Variants in KCNQ1 observed in about 807,000 individuals in gnomAD.
The protein encoded by KCNQ1 is potassium voltage-gated channel subfamily KQT member 1.
Under a neutral mutation model 72.4 loss-of-function variants are expected in KCNQ1, and 49 were observed. The ratio of observed to expected loss-of-function variants is 0.68; its 90% CI spans 0.54 to 0.86. The LOEUF is 0.86. KCNQ1 is among the 40% of genes least tolerant of loss of function. KCNQ1 has a pLI of 0.00. For missense variants in KCNQ1, 790 were observed against 945.1 expected (o/e 0.84, Z 2.15); for synonymous variants, 450 against 412.6 (o/e 1.09, Z -1.10).
At chr11:2,630,445 C>A (rs1347732862) in intron 10 of KCNQ1, 2 of 398,026 alleles carry the variant, frequency 5.0e-6, no homozygotes, top group East Asian at 3.6e-5. Flanking sequence ...TGGGATTGTT[C>A]CCTCTTTGTT....
chr11:2,692,040 C>T, intron 11 of KCNQ1: 1 of 398,770 alleles, frequency 2.5e-6, no homozygotes, highest in Non-Finnish European at 4.4e-6. Flanking sequence ...CCCTGACCCC[C>T]CAAATGTCTC....
intron 11 of KCNQ1, chr11:2,697,591 C>T (rs1850699673): frequency 5.0e-6 from 2 of 398,592 alleles, no homozygotes; most frequent in Non-Finnish European, 8.8e-6. Flanking sequence ...AGGCGTTAAA[C>T]TTTATCACAT....
Position 2,677,393 on chromosome 11 carries a change from C to G in KCNQ1, c.1514+15312C>G, listed in dbSNP as rs1197275991. 1 of 398,450 alleles carries G rather than the reference C, an allele frequency of 2.5e-6. No homozygotes were observed. Among genetic ancestry groups the G allele is most frequent in the Non-Finnish European group, 4.4e-6 (1 of 226,068 alleles). The allele number at this position is 398,450 out of a possible 1,614,324, so 24.7% of individuals were successfully genotyped here. Reference sequence around the variant, plus strand: ...AATCAGTTGAAGAGGAAACCAAGATCGATGCCTAGATAAGCATTTCAGAGG... The same window carrying G: ...AATCAGTTGAAGAGGAAACCAAGATGGATGCCTAGATAAGCATTTCAGAGG... On this transcript the variant is annotated intron_variant, in intron 11 of 15. Coordinates refer to ENST00000155840, the MANE Select transcript of KCNQ1 (RefSeq NM_000218.3). This position sits in a 1 kb window ranked among gnomAD's most constrained non-coding sequence, Gnocchi z 4.5.
Position 2,768,768 on chromosome 11 carries a change from AGGCAGTGCAGG to A in KCNQ1, c.1515-68_1515-58del. 9.1e-7 allele frequency: 1 copy of A among 1,103,906 alleles called. No homozygotes were observed. Among genetic ancestry groups the A allele is most frequent in the Non-Finnish European group, 1.4e-6 (1 of 714,594 alleles). 68.4% of individuals were successfully genotyped at this position (1,103,906 alleles called of 1,614,324 possible). A position where few individuals can be genotyped will look rare whatever the true frequency, so the allele number is the denominator to read the frequency against. ...GAAGGATCCAGTCTGCGTGCTCCTCAGGCAGTGCAGGGGCAGTGAGGGGATGACCAGCACAG... is the reference window on the plus strand; with the variant it reads ...GAAGGATCCAGTCTGCGTGCTCCTCAGGCAGTGAGGGGATGACCAGCACAG... On this transcript the variant is annotated intron_variant, in intron 11 of 15. Transcript: ENST00000155840. This position sits in a 1 kb window ranked among gnomAD's most constrained non-coding sequence, Gnocchi z 6.7.
At position 2,653,245 on chromosome 11, in the gene KCNQ1, A is replaced by G. The variant is rs1053267076; in HGVS notation, c.1394-8716A>G. 1.3e-5 allele frequency: 5 copies of G among 398,608 alleles called. No individual in the cohort carries two copies. Among genetic ancestry groups the G allele is most frequent in the African/African-American group, 8.2e-5 (4 of 48,638 alleles). The allele number at this position is 398,608 out of a possible 1,614,324, so 24.7% of individuals were successfully genotyped here. A position where few individuals can be genotyped will look rare whatever the true frequency, so the allele number is the denominator to read the frequency against. On this transcript the variant is annotated intron_variant, in intron 10 of 15. Coordinates refer to ENST00000155840, the MANE Select transcript of KCNQ1 (RefSeq NM_000218.3). This position sits in a 1 kb window ranked among gnomAD's most constrained non-coding sequence, Gnocchi z 5.3. ...GCCTCAGGCCAGCTTCTTTCCCACA[A>G]GCCTTCTCCCTGCCCTCTGCCCTGA...
Position 2,620,614 on chromosome 11 carries a change from A to T in KCNQ1, c.1393+31760A>T, listed in dbSNP as rs1849154248. On this transcript the variant is annotated intron_variant, in intron 10 of 15. Transcript: ENST00000155840. This position sits in a 1 kb window ranked among gnomAD's most constrained non-coding sequence, Gnocchi z 4.5. ...ACTGATGGGCATCTAAGTGGATTCC[A>T]TGTCTTTGCTGTTGTGAATAGTGCT... is the stretch of plus-strand genomic sequence containing the variant. The T allele has an allele frequency of 2.5e-6, 1 of 397,632 alleles. No homozygotes were observed. Among genetic ancestry groups the T allele is most frequent in the African/African-American group, 2.1e-5 (1 of 48,600 alleles). The allele number at this position is 397,632 out of a possible 1,614,324, so 24.6% of individuals were successfully genotyped here.
At position 2,492,622 on chromosome 11, in the gene KCNQ1, T is replaced by C. The variant is rs984008047; in HGVS notation, c.387-35306T>C. Among the ~76,000 whole-genome samples the C allele has an allele frequency of 5.9e-5, 9 of 152,350 alleles. No individual in the cohort carries two copies. Among genetic ancestry groups the C allele is most frequent in the East Asian group, 3.9e-4 (2 of 5,184 alleles). ...TGAGAACATATGGTGTTTGGTTTTCTGTTCCTGTGTTAGTTTGCCGAGAAT... is the reference window on the plus strand; with the variant it reads ...TGAGAACATATGGTGTTTGGTTTTCCGTTCCTGTGTTAGTTTGCCGAGAAT... On this transcript the variant is annotated intron_variant, in intron 1 of 15. Coordinates refer to ENST00000155840, the MANE Select transcript of KCNQ1 (RefSeq NM_000218.3). The surrounding 1 kb of genome is among the most constrained non-coding windows in gnomAD (Gnocchi z 4.1).
At chr11:2,503,545 T>TGGGGGGA (rs1847049777) in intron 1 of KCNQ1, among the ~76,000 whole-genome samples, 2 of 8,128 alleles carry the variant, frequency 2.5e-4, no homozygotes, top group Non-Finnish European at 4.6e-4. Context: ...GTTGTGGGGT[T>TGGGGGGA]GGGGGGAGGG....
At chr11:2,572,237 G>T in intron 5 of KCNQ1, 128 bp downstream of exon 5, 4 of 676,214 alleles carry the variant, frequency 5.9e-6, no homozygotes, top group Non-Finnish European at 2.6e-6. Context: ...GGGCGCAGGG[G>T]TACCTGAACG....
chr11:2,647,461 T>G lies in KCNQ1; in HGVS notation c.1394-14500T>G, dbSNP rs1178434796. 1.0e-5 allele frequency: 4 copies of G among 398,468 alleles called. No homozygotes were observed. Among genetic ancestry groups the G allele is most frequent in the Admixed American group, 4.4e-5 (1 of 22,710 alleles). 24.7% of individuals were successfully genotyped at this position (398,468 alleles called of 1,614,324 possible). ...GGAGATTGGCCTGTAGTTTTCTTTT[T>G]TGCTGTTATTGTGTCCTTATCTGGT... is the stretch of plus-strand genomic sequence containing the variant. On this transcript the variant is annotated intron_variant, in intron 10 of 15. Transcript: ENST00000155840. The surrounding 1 kb of genome is among the most constrained non-coding windows in gnomAD (Gnocchi z 4.0).
At chr11:2,548,356 C>G (rs906946520) in intron 2 of KCNQ1, among the ~76,000 whole-genome samples, 1 of 152,234 alleles carries the variant, frequency 6.6e-6, no homozygotes, top group African/African-American at 2.4e-5. Context: ...GAAGAAAATA[C>G]AGCAGAACAT....
At chr11:2,729,769 G>T (rs1470819675) in intron 11 of KCNQ1, among the ~76,000 whole-genome samples, 1 of 152,290 alleles carries the variant, frequency 6.6e-6, no homozygotes, top group East Asian at 1.9e-4. Context: ...GGTACCTGCG[G>T]GAGGTCCCCA....
At position 2,445,043 on chromosome 11, in the gene KCNQ1, C is replaced by G. The variant is rs1846013274; in HGVS notation, c.-56C>G. ...CGCACTGCGCCCGGGCGCTCGCCTT[C>G]GCTGCAGCTCCCGGTGCCGCCGCTC... On this transcript the variant is annotated 5_prime_UTR_variant, in exon 1 of 16. Coordinates refer to ENST00000155840, the MANE Select transcript of KCNQ1 (RefSeq NM_000218.3). The G allele has an allele frequency of 9.7e-7, 1 of 1,033,724 alleles. No individual in the cohort carries two copies. Among genetic ancestry groups the G allele is most frequent in the Non-Finnish European group, 1.2e-6 (1 of 861,754 alleles). 64.0% of individuals were successfully genotyped at this position (1,033,724 alleles called of 1,614,324 possible). A position where few individuals can be genotyped will look rare whatever the true frequency, so the allele number is the denominator to read the frequency against.
chr11:2,731,084 A>T (rs1041173327), intron 11 of KCNQ1, among the ~76,000 whole-genome samples: 1 of 152,228 alleles, frequency 6.6e-6, no homozygotes, highest in East Asian at 1.9e-4. Flanking sequence ...AAAGGTCCTC[A>T]GGGACCTGGG....
intron 10 of KCNQ1, among the ~76,000 whole-genome samples, chr11:2,591,761 G>C (rs143486048): frequency 6.6e-6 from 1 of 152,248 alleles, no homozygotes; most frequent in Non-Finnish European, 1.5e-5. Context: ...GCTCCTCCAC[G>C]GAGAAGATTT....
At chr11:2,480,972 C>G (rs978315677) in intron 1 of KCNQ1, among the ~76,000 whole-genome samples, 8 of 152,116 alleles carry the variant, frequency 5.3e-5, no homozygotes, top group African/African-American at 1.9e-4. Flanking sequence ...CTAAGCAGAG[C>G]ACGTTTGGGA....
At chr11:2,844,721 C>G (rs1347833411) in intron 15 of KCNQ1, among the ~76,000 whole-genome samples, 1 of 152,272 alleles carries the variant, frequency 6.6e-6, no homozygotes, top group African/African-American at 2.4e-5. Flanking sequence ...CAAGAATCCC[C>G]TGTGAAGGCC....
intron 15 of KCNQ1, among the ~76,000 whole-genome samples, chr11:2,800,540 G>C (rs1847242162): frequency 6.6e-6 from 1 of 152,232 alleles, no homozygotes; most frequent in African/African-American, 2.4e-5. Context: ...GGCCCAGGGA[G>C]TGGGGGAAGG....
chr11:2,735,389 G>T lies in KCNQ1; in HGVS notation c.1515-33455G>T, dbSNP rs116122958. Among the ~76,000 whole-genome samples the T allele has an allele frequency of 6.6e-6, 1 of 151,332 alleles. No homozygotes were observed. The highest frequency in any genetic ancestry group is 1.5e-5 in the Non-Finnish European group (1 of 67,850). ...GCCGCCCCCACCTCCCCTCCCGCAA[G>T]CTTCTCCCCTTCCTTCAGAGCCCAA... On this transcript the variant is annotated intron_variant, in intron 11 of 15. Transcript: ENST00000155840. This position sits in a 1 kb window ranked among gnomAD's most constrained non-coding sequence, Gnocchi z 7.7.
Sources: allele counts gnomAD v4.1 joint callset (sites outside exome capture counted in the v4.1 genomes callset), GRCh38; gene constraint gnomAD v4.1.1; non-coding constraint Gnocchi (gnomAD v3.1); transcripts MANE v1.5; gene names NCBI Gene and HGNC (gene_info 2026-07-23, HGNC 2026-07-21).